The following EFR3A variants were observed in gnomAD, a reference collection of about 807,000 sequenced individuals.
EFR3A encodes the protein protein EFR3 homolog A.
A neutral mutation model predicts 104.4 loss-of-function variants in EFR3A; 76 were observed. The observed-to-expected ratio is 0.73, with a 90% CI of 0.60 to 0.88. The LOEUF (loss-of-function observed/expected upper bound fraction) is 0.88. EFR3A is among the 40% of genes least tolerant of loss of function. The pLI is 0.00. For synonymous variants in EFR3A, 330 were observed against 330.0 expected, an observed-to-expected ratio of 1.00 and a Z score of 0.00; for missense variants, 985 against 1,012.5, an observed-to-expected ratio of 0.97 and a Z score of 0.37.
intron 9 of EFR3A, among the ~76,000 whole-genome samples, chr8:131,970,112 G>T (rs904143450): frequency 6.6e-6 from 1 of 152,134 alleles, no homozygotes; most frequent in Non-Finnish European, 1.5e-5. Flanking sequence ...TAATTTTGTG[G>T]ATTCTTACCT....
intron 1 of EFR3A, among the ~76,000 whole-genome samples, chr8:131,910,873 AT>A (rs1441137260): frequency 6.6e-6 from 1 of 152,128 alleles, no homozygotes; most frequent in Admixed American, 6.5e-5. Context: ...TATTGGTACC[AT>A]TTAAGGAAAG....
At chr8:131,982,876 A>G (rs556491647) in intron 14 of EFR3A, among the ~76,000 whole-genome samples, 9 of 152,304 alleles carry the variant, frequency 5.9e-5, no homozygotes, top group Non-Finnish European at 8.8e-5. Flanking sequence ...AGATTCAGAA[A>G]GGTGGAAACC....
intron 22 of EFR3A, among the ~76,000 whole-genome samples, chr8:132,004,818 G>A (rs1263275373): frequency 6.6e-6 from 1 of 152,114 alleles, no homozygotes; most frequent in Non-Finnish European, 1.5e-5. Context: ...TTGCTGAAGG[G>A]CATACAGCTA....
At chr8:131,996,625 T>C (rs1042624033) in intron 19 of EFR3A, 128 bp downstream of exon 19, 1 of 540,626 alleles carries the variant, frequency 1.8e-6, no homozygotes. Flanking sequence ...ACTAAATTAT[T>C]AGTAGAAATT....
At chr8:131,940,600 C>G (rs747654104) in intron 2 of EFR3A, 25 bp downstream of exon 2, 1 of 1,589,926 alleles carries the variant, frequency 6.3e-7, no homozygotes, top group Non-Finnish European at 8.6e-7. Flanking sequence ...ATCTACTGAT[C>G]CTTCTCTTTG....
chr8:131,959,725 C>A, intron 8 of EFR3A, 62 bp downstream of exon 8: 2 of 1,174,046 alleles, frequency 1.7e-6, no homozygotes, highest in Non-Finnish European at 2.5e-6. Context: ...TATGGATAAG[C>A]ACATTATCAA....
intron 1 of EFR3A, among the ~76,000 whole-genome samples, chr8:131,919,142 T>C (rs1816877807): frequency 1.3e-5 from 2 of 152,192 alleles, no homozygotes; most frequent in Admixed American, 1.3e-4. Flanking sequence ...ACCTATCTTT[T>C]TTCCCCCCAT....
Position 131,987,571 on chromosome 8 carries a change from G to A in EFR3A, c.1938-4G>A, listed in dbSNP as rs1260576561. 9.4e-6 allele frequency: 15 copies of A among 1,587,918 alleles called. No individual in the cohort carries two copies. Among genetic ancestry groups the A allele is most frequent in the South Asian group, 5.8e-5 (5 of 86,520 alleles). The stretch of plus-strand genomic sequence containing the variant: ...AATGATTGTTGTTTTGATGAACTTC[G>A]CAGGCTTCCAAAATCTTTAGAGAAG... On this transcript the variant is annotated splice_region_variant and splice_polypyrimidine_tract_variant and intron_variant, in intron 17 of 22. Transcript: ENST00000254624.
At chr8:131,987,924 C>G (rs1337498749) in intron 18 of EFR3A, among the ~76,000 whole-genome samples, 1 of 152,044 alleles carries the variant, frequency 6.6e-6, no homozygotes, top group Non-Finnish European at 1.5e-5. Context: ...AGGAGCAAAT[C>G]AAGTCCTTGA....
At chr8:131,963,725 G>T (rs1819534742) in intron 8 of EFR3A, among the ~76,000 whole-genome samples, 1 of 152,114 alleles carries the variant, frequency 6.6e-6, no homozygotes, top group African/African-American at 2.4e-5. Flanking sequence ...ATTTTATGAG[G>T]CCAGCATCAT....
chr8:131,927,671 C>A (rs780104693), intron 1 of EFR3A, among the ~76,000 whole-genome samples: 1 of 151,956 alleles, frequency 6.6e-6, no homozygotes, highest in Non-Finnish European at 1.5e-5. Flanking sequence ...TTTTTAGGAA[C>A]CATAACGTGT....
chr8:131,931,988 A>G (rs980490520), intron 1 of EFR3A, among the ~76,000 whole-genome samples: 1 of 152,092 alleles, frequency 6.6e-6, no homozygotes, highest in Admixed American at 6.6e-5. Context: ...GGCATAATTA[A>G]TGATAGCACC....
Position 131,904,197 on chromosome 8 carries a change from C to T in EFR3A, c.-116C>T. On this transcript the variant is annotated 5_prime_UTR_variant, in exon 1 of 23. Transcript: ENST00000254624. ...TCCGCTCCCTCCACCCTTCGCCCTT[C>T]GCCCTTCGCCTCGTTCCGGCCTCCG... 5.1e-6 allele frequency: 6 copies of T among 1,165,742 alleles called. No homozygotes were observed. Among genetic ancestry groups the T allele is most frequent in the South Asian group, 3.4e-5 (1 of 29,296 alleles). The allele number at this position is 1,165,742 out of a possible 1,614,324, so 72.2% of individuals were successfully genotyped here.
chr8:131,981,533 T>A (rs1268294528), intron 14 of EFR3A, among the ~76,000 whole-genome samples: 2 of 152,062 alleles, frequency 1.3e-5, no homozygotes, highest in Admixed American at 6.6e-5. Context: ...TCATTTACCT[T>A]CCAATTTGTT....
intron 7 of EFR3A, among the ~76,000 whole-genome samples, chr8:131,957,581 C>T (rs1346709515): frequency 6.6e-6 from 1 of 152,114 alleles, no homozygotes; most frequent in Non-Finnish European, 1.5e-5. Flanking sequence ...AGCTCCCAAC[C>T]TCAGGTGATC....
At chr8:131,929,393 C>T (rs1279382102) in intron 1 of EFR3A, among the ~76,000 whole-genome samples, 1 of 152,160 alleles carries the variant, frequency 6.6e-6, no homozygotes, top group African/African-American at 2.4e-5. Flanking sequence ...CTCTTAAGAG[C>T]CTTAATAGAT....
intron 22 of EFR3A, among the ~76,000 whole-genome samples, chr8:132,006,035 G>C (rs890857920): frequency 2.6e-5 from 4 of 152,098 alleles, no homozygotes; most frequent in African/African-American, 9.7e-5. Context: ...GGACGAATTA[G>C]AAAACATTTT....
At chr8:131,993,910 A>G (rs559750345) in intron 18 of EFR3A, among the ~76,000 whole-genome samples, 1 of 152,126 alleles carries the variant, frequency 6.6e-6, no homozygotes, top group Non-Finnish European at 1.5e-5. Flanking sequence ...AGAGGGGAAC[A>G]ATGCACACTG....
Position 131,927,367 on chromosome 8 carries a change from G to A in EFR3A, c.11-13132G>A, listed in dbSNP as rs144989433. On this transcript the variant is annotated intron_variant, in intron 1 of 22. Coordinates refer to ENST00000254624, the MANE Select transcript of EFR3A (RefSeq NM_015137.6). ...TATTTGCTCAGTATCCAAGCTATCA[G>A]ATTATTAAGCAAAAGTACTAAATGC... Among the ~76,000 whole-genome samples the A allele has an allele frequency of 2.1e-3, 317 of 152,254 alleles. 1 individual carries two copies. The highest frequency in any genetic ancestry group is 7.3e-3 in the African/African-American group (305 of 41,552).
Sources: allele counts gnomAD v4.1 joint callset (sites outside exome capture counted in the v4.1 genomes callset), GRCh38; gene constraint gnomAD v4.1.1; transcripts MANE v1.5; gene names NCBI Gene and HGNC (gene_info 2026-07-23, HGNC 2026-07-21).